PEX7: variants seen among roughly 807,000 people sequenced by gnomAD.
The protein encoded by PEX7 is PTS2 receptor.
In PEX7, 34 loss-of-function variants were observed where a neutral mutation model predicts 47.5. The observed-to-expected ratio is 0.72, with a 90% confidence interval of 0.54 to 0.95. The LOEUF is 0.95. PEX7 is among the 40% of genes least tolerant of loss of function. The pLI, the probability that PEX7 is intolerant of heterozygous loss-of-function variation, is 0.00. For synonymous variants in PEX7, 141 were observed against 148.8 expected (o/e 0.95, Z 0.38); for missense variants, 394 against 400.3 (o/e 0.98, Z 0.13).
chr6:136,844,660 A>C (rs1774562425), intron 3 of PEX7, among the ~76,000 whole-genome samples: 1 of 150,878 alleles, frequency 6.6e-6, no homozygotes, highest in Non-Finnish European at 1.5e-5. Context: ...CATTTCCCCC[A>C]CCCCCAGCCC....
At chr6:136,824,488 C>G (rs1045985417) in intron 1 of PEX7, among the ~76,000 whole-genome samples, 1 of 152,092 alleles carries the variant, frequency 6.6e-6, no homozygotes, top group Non-Finnish European at 1.5e-5. Flanking sequence ...CAGGCGTGAG[C>G]CACTGTGACT....
At chr6:136,837,718 C>T (rs1305091458) in intron 3 of PEX7, among the ~76,000 whole-genome samples, 1 of 151,732 alleles carries the variant, frequency 6.6e-6, no homozygotes, top group Non-Finnish European at 1.5e-5. Context: ...GGAGACATAT[C>T]AAAGGTTTAG....
intron 8 of PEX7, among the ~76,000 whole-genome samples, chr6:136,882,053 G>A (rs1427942391): frequency 1.3e-5 from 2 of 152,066 alleles, no homozygotes; most frequent in Non-Finnish European, 2.9e-5. Context: ...TTATTAATGT[G>A]TAATATGGCA....
At chr6:136,890,333 C>A (rs1446013930) in intron 8 of PEX7, among the ~76,000 whole-genome samples, 1 of 152,136 alleles carries the variant, frequency 6.6e-6, no homozygotes, top group African/African-American at 2.4e-5. Context: ...GGAAATATTT[C>A]TCAGACTATG....
intron 8 of PEX7, among the ~76,000 whole-genome samples, chr6:136,874,361 A>C (rs994974245): frequency 3.3e-5 from 5 of 152,152 alleles, no homozygotes; most frequent in Admixed American, 2.0e-4. Context: ...TTAGGTTTTC[A>C]AATTTATTCG....
In PEX7 at chr6:136,859,346, T is replaced by C. The variant is rs1774917072; in HGVS notation, c.527-7281T>C. 2.0e-5 allele frequency among the ~76,000 whole-genome samples: 3 copies of C among 152,270 alleles called. No homozygotes were observed. The South Asian group carries it at 6.2e-4, about 32-fold the overall frequency. On this transcript the variant is annotated intron_variant, in intron 5 of 9. Transcript: ENST00000318471. ...CATCATATTTCTAAATTATATGAGA[T>C]AGAAGGGAAGAATATTTGAGCTCTT...
chr6:136,902,158 A>G (rs753243975), intron 9 of PEX7, among the ~76,000 whole-genome samples: 9 of 152,146 alleles, frequency 5.9e-5, no homozygotes, highest in Admixed American at 1.3e-4. Flanking sequence ...AAGTTAATTT[A>G]ATTTTACTCT....
intron 8 of PEX7, among the ~76,000 whole-genome samples, chr6:136,890,027 A>G (rs1775528504): frequency 6.6e-6 from 1 of 152,236 alleles, no homozygotes; most frequent in Non-Finnish European, 1.5e-5. Flanking sequence ...AGCTGGTAGT[A>G]GTTTACACAG....
Position 136,822,780 on chromosome 6 carries a change from C to A in PEX7, c.115C>A (p.His39Asn), listed in dbSNP as rs1316023843. 4 of 1,392,732 alleles carry A rather than the reference C, an allele frequency of 2.9e-6. No individual in the cohort carries two copies. The East Asian group carries it at 1.2e-4, about 43-fold the overall frequency. 86.3% of individuals were successfully genotyped at this position (1,392,732 alleles called of 1,614,324 possible). The change falls in exon 1 of 10, where the codon CAC (histidine) becomes AAC (asparagine). Residue 39 changes from histidine to asparagine, a missense_variant. Physicochemically the swap from His to Asn is moderately conservative, Grantham distance 68 (BLOSUM62 1). Transcript: ENST00000318471. ...PGRLACATAQ[H>N]YGIAGCGTLL... ...CCGCCTGGCCTGCGCCACCGCGCAG[C>A]ACTACGGCATCGCGGGTGAGGCGGC...
At chr6:136,906,728 A>G (rs1018979771) in intron 9 of PEX7, among the ~76,000 whole-genome samples, 3 of 152,060 alleles carry the variant, frequency 2.0e-5, no homozygotes, top group Non-Finnish European at 2.9e-5. Flanking sequence ...CTCCTAACCT[A>G]TCTTTCTCTT....
At chr6:136,858,522 A>G (rs1329302716) in intron 5 of PEX7, among the ~76,000 whole-genome samples, 1 of 152,222 alleles carries the variant, frequency 6.6e-6, no homozygotes, top group African/African-American at 2.4e-5. Context: ...AAACAGCAGC[A>G]GAATTGTGGG....
rs536199347 is a variant in PEX7, at chr6:136,896,355, C to T, written c.804-1787C>T. Reference sequence around the variant, plus strand: ...CATCAAATTGACTTTCCCTTAGACCCATTCTTTTAAACTGCCCTTTAGGGT... The same window carrying T: ...CATCAAATTGACTTTCCCTTAGACCTATTCTTTTAAACTGCCCTTTAGGGT... On this transcript the variant is annotated intron_variant, in intron 8 of 9. Coordinates refer to ENST00000318471, the MANE Select transcript of PEX7 (RefSeq NM_000288.4). Among the ~76,000 whole-genome samples the T allele has an allele frequency of 4.6e-5, 7 of 152,284 alleles. No individual in the cohort carries two copies. In the South Asian group the frequency reaches 8.3e-4, roughly 18 times the overall value.
At chr6:136,905,004 A>G (rs544509572) in intron 9 of PEX7, among the ~76,000 whole-genome samples, 1 of 152,152 alleles carries the variant, frequency 6.6e-6, no homozygotes, top group East Asian at 1.9e-4. Context: ...GTCCTACTCA[A>G]CTTACCTTTG....
chr6:136,838,164 A>C (rs1774429086), intron 3 of PEX7, among the ~76,000 whole-genome samples: 1 of 152,254 alleles, frequency 6.6e-6, no homozygotes, highest in South Asian at 2.1e-4. Context: ...CATTAGTTTA[A>C]GATTGAAACA....
chr6:136,912,542 G>C (rs1423688105), intron 9 of PEX7, among the ~76,000 whole-genome samples: 1 of 151,862 alleles, frequency 6.6e-6, no homozygotes, highest in Non-Finnish European at 1.5e-5. Flanking sequence ...CCAAGTGTGG[G>C]GCCTATTTCT....
At position 136,900,505 on chromosome 6, in the gene PEX7, T is replaced by C. The variant is rs1051563109; in HGVS notation, c.903+2264T>C. The C allele has an allele frequency of 4.2e-6, 2 of 480,692 alleles. No homozygotes were observed. The highest frequency in any genetic ancestry group is 8.3e-6 in the Non-Finnish European group (2 of 241,330). 29.8% of individuals were successfully genotyped at this position (480,692 alleles called of 1,614,324 possible). Reference sequence around the variant, plus strand: ...GATCTCATCGTGTCTGTCATTGTAATTGGTCCTGATAGCTTCCACCATCTT... The same window carrying C: ...GATCTCATCGTGTCTGTCATTGTAACTGGTCCTGATAGCTTCCACCATCTT... On this transcript the variant is annotated intron_variant, in intron 9 of 9. Transcript: ENST00000318471. The surrounding 1 kb of genome is among the most constrained non-coding windows in gnomAD (Gnocchi z 4.2).
chr6:136,887,544 C>A (rs1775486612), intron 8 of PEX7, among the ~76,000 whole-genome samples: 1 of 152,046 alleles, frequency 6.6e-6, no homozygotes, highest in Non-Finnish European at 1.5e-5. Context: ...ATGACAAAGA[C>A]AAATTATGAT....
At chr6:136,823,165 C>G (rs997884952) in intron 1 of PEX7, 13 of 985,264 alleles carry the variant, frequency 1.3e-5, no homozygotes, top group Non-Finnish European at 1.6e-5. Context: ...CACAGCAGTA[C>G]GGGGAAGACG....
intron 5 of PEX7, among the ~76,000 whole-genome samples, chr6:136,860,845 A>G (rs1344685416): frequency 6.6e-6 from 1 of 152,172 alleles, no homozygotes; most frequent in Admixed American, 6.5e-5. Flanking sequence ...AGGTGAAGAA[A>G]CAGAATGTTC....
Sources: gnomAD v4.1 joint callset for allele counts (sites outside exome capture counted in the v4.1 genomes callset) on GRCh38, gnomAD v4.1.1 for gene constraint, Gnocchi (gnomAD v3.1) non-coding constraint, MANE v1.5 for transcripts, NCBI Gene and HGNC (gene_info 2026-07-23, HGNC 2026-07-21) for gene names.